DGKI: variants seen among roughly 807,000 people sequenced by gnomAD.
DGKI encodes diacylglycerol kinase iota.
Under a neutral mutation model 147.5 loss-of-function variants are expected in DGKI, and 55 were observed. The ratio of observed to expected loss-of-function variants is 0.37; its 90% CI spans 0.30 to 0.47. The LOEUF is 0.47. Ranked by LOEUF, DGKI falls within the 20% of genes least tolerant of loss-of-function variation. DGKI has a pLI of 1.00. For synonymous variants in DGKI, 469 were observed against 477.1 expected (o/e 0.98, Z 0.22); for missense variants, 1,007 against 1,323.8 (o/e 0.76, Z 3.71).
intron 20 of DGKI, among the ~76,000 whole-genome samples, chr7:137,529,297 A>G (rs1817256530): frequency 6.6e-6 from 1 of 152,182 alleles, no homozygotes; most frequent in African/African-American, 2.4e-5. Context: ...GCATGTAACA[A>G]AATTACACTT....
At chr7:137,824,630 C>A (rs931266159) in intron 1 of DGKI, among the ~76,000 whole-genome samples, 13 of 151,900 alleles carry the variant, frequency 8.6e-5, no homozygotes, top group Admixed American at 3.3e-4. Context: ...GTTACACAAG[C>A]GGTTGGTTGT....
In DGKI at chr7:137,722,546, G is replaced by A. The variant is rs983280157; in HGVS notation, c.402-32544C>T. 355 of 1,603,548 alleles carry A rather than the reference G, an allele frequency of 2.2e-4. 2 individuals carry two copies. Among genetic ancestry groups the A allele is most frequent in the South Asian group, 1.3e-3 (119 of 90,836 alleles). The stretch of plus-strand genomic sequence containing the variant: ...CTGGTCCTCAATCGAGTTCCTCTAC[G>A]AAGAACACACCAGAAATTTGTCATT... On this transcript the variant is annotated intron_variant, in intron 1 of 32. Coordinates refer to ENST00000614521, the MANE Select transcript of DGKI (RefSeq NM_001321708.2).
chr7:137,521,933 C>T lies in DGKI; in HGVS notation c.2181G>A (p.Arg727=), dbSNP rs377623660. The T allele has an allele frequency of 1.2e-6, 2 of 1,611,814 alleles. No homozygotes were observed. The highest frequency in any genetic ancestry group is 2.7e-5 in the African/African-American group (2 of 74,862). Residue 727 remains arginine (R), a synonymous_variant, in exon 21 of 33, where the codon CGG becomes CGA. Transcript: ENST00000614521. ...PQSVPDRLRI[R]VNKISLQDYE... ...AGTCTTGTAAACTGATTTTGTTCAC[C>T]CGGATCCTCAGACGATCTGGGACAG...
intron 21 of DGKI, among the ~76,000 whole-genome samples, chr7:137,507,505 T>G (rs1816408990): frequency 6.6e-6 from 1 of 152,184 alleles, no homozygotes; most frequent in Admixed American, 6.5e-5. Flanking sequence ...AAAATCCTCT[T>G]AAATGCTTAT....
chr7:137,469,711 G>A, intron 23 of DGKI, 92 bp from the exon 24 acceptor site: 1 of 1,154,902 alleles, frequency 8.7e-7, no homozygotes, highest in Non-Finnish European at 1.3e-6. Context: ...CCTACACAAA[G>A]CACTGGTGAG....
At chr7:137,781,686 G>GGA (rs1432829125) in intron 1 of DGKI, among the ~76,000 whole-genome samples, 1 of 152,200 alleles carries the variant, frequency 6.6e-6, no homozygotes, top group Non-Finnish European at 1.5e-5. Context: ...ACATAATGCT[G>GGA]GACGTTTCAG....
At chr7:137,664,192 C>T (rs1046698592) in intron 3 of DGKI, among the ~76,000 whole-genome samples, 21 of 151,890 alleles carry the variant, frequency 1.4e-4, no homozygotes, top group African/African-American at 3.4e-4. Context: ...GCCTGGCCAA[C>T]GTGTCAAAAG....
intron 20 of DGKI, among the ~76,000 whole-genome samples, chr7:137,539,879 A>C (rs1389700560): frequency 2.0e-5 from 3 of 152,198 alleles, no homozygotes; most frequent in Non-Finnish European, 4.4e-5. Context: ...AAAAAGATAC[A>C]GGTTACTAAT....
At chr7:137,564,899 C>T (rs1435064219) in intron 19 of DGKI, among the ~76,000 whole-genome samples, 8 of 152,238 alleles carry the variant, frequency 5.3e-5, no homozygotes, top group Admixed American at 4.6e-4. Flanking sequence ...GGGGCTCCTA[C>T]CGCCCCCACC....
chr7:137,499,205 C>T (rs535794911), intron 21 of DGKI, among the ~76,000 whole-genome samples: 28 of 152,056 alleles, frequency 1.8e-4, no homozygotes, highest in Non-Finnish European at 2.5e-4. Flanking sequence ...GCAAATACAA[C>T]GAGTAAAGTA....
intron 1 of DGKI, among the ~76,000 whole-genome samples, chr7:137,807,343 C>G (rs192360525): frequency 6.6e-6 from 1 of 152,182 alleles, no homozygotes; most frequent in Non-Finnish European, 1.5e-5. Context: ...AGTAACAGTT[C>G]CAAATGGATT....
intron 28 of DGKI, among the ~76,000 whole-genome samples, chr7:137,420,948 G>A (rs1233511337): frequency 6.6e-6 from 1 of 152,150 alleles, no homozygotes; most frequent in East Asian, 1.9e-4. Context: ...GAACCCAGGA[G>A]GCGGAGGTTG....
chr7:137,619,777 C>A, intron 8 of DGKI, 47 bp downstream of exon 8: 1 of 1,448,404 alleles, frequency 6.9e-7, no homozygotes, highest in South Asian at 1.1e-5. Context: ...AGCAGCAGTT[C>A]ATTTTTCTCT....
Position 137,578,251 on chromosome 7 carries a change from A to T in DGKI, c.1698+19T>A, listed in dbSNP as rs761974922. The T allele has an allele frequency of 1.9e-6, 3 of 1,573,476 alleles. No homozygotes were observed. The African/African-American group carries it at 4.0e-5, about 21-fold the overall frequency. On this transcript the variant is annotated intron_variant, in intron 16 of 32. Transcript: ENST00000614521. ...CAATAAGTAATATGTAGTAATTATG[A>T]AATAAAATGTATACCTACCCCTGCA...
intron 6 of DGKI, among the ~76,000 whole-genome samples, chr7:137,626,414 A>T (rs978554517): frequency 1.3e-5 from 2 of 151,804 alleles, no homozygotes; most frequent in Non-Finnish European, 1.5e-5. Context: ...CTACAGGGCC[A>T]GCAACAACCC....
At chr7:137,674,778 C>T (rs1250152598) in intron 3 of DGKI, among the ~76,000 whole-genome samples, 1 of 152,132 alleles carries the variant, frequency 6.6e-6, no homozygotes, top group African/African-American at 2.4e-5. Flanking sequence ...TAAATCTTAC[C>T]CATCTTTCAA....
chr7:137,425,657 T>A (rs1000115852), intron 28 of DGKI, among the ~76,000 whole-genome samples: 7 of 151,832 alleles, frequency 4.6e-5, no homozygotes, highest in African/African-American at 7.3e-5. Context: ...TTGAAAAAAA[T>A]TTAGAAGAAT....
At position 137,846,779 on chromosome 7, in the gene DGKI, G is replaced by C. The variant is rs1585566114; in HGVS notation, c.84C>G (p.Ala28=). ...AGGGGCCGGGCGGGCTGGCGGCGGC[G>C]GCGGCGGCGGCTGCAGGAGCGCGGG... The part of the protein sequence containing the change: ...GPARAPAAAA[A]AAASPPGPCS... Residue 28 remains alanine (A), a synonymous_variant, in exon 1 of 33, where the codon GCC becomes GCG. Transcript: ENST00000614521. The surrounding 1 kb of genome is among the most constrained non-coding windows in gnomAD (Gnocchi z 4.0). The C allele has an allele frequency of 9.3e-7, 1 of 1,078,898 alleles. No homozygotes were observed. Among genetic ancestry groups the C allele is most frequent in the Non-Finnish European group, 1.1e-6 (1 of 891,618 alleles). 66.8% of individuals were successfully genotyped at this position (1,078,898 alleles called of 1,614,324 possible).
chr7:137,667,693 AAGTT>A lies in DGKI; in HGVS notation c.606+10860_606+10863del, dbSNP rs530521040. ...TTAAGAAGCGATATCAAGCTGTGGTAAGTTAGTTATCCTTTCACTGCCATTTTTC... is the reference window on the plus strand; with the variant it reads ...TTAAGAAGCGATATCAAGCTGTGGTAAGTTATCCTTTCACTGCCATTTTTC... On this transcript the variant is annotated intron_variant, in intron 3 of 32. Coordinates refer to ENST00000614521, the MANE Select transcript of DGKI (RefSeq NM_001321708.2). 7.2e-5 allele frequency among the ~76,000 whole-genome samples: 11 copies of A among 152,308 alleles called. No homozygotes were observed. In the South Asian group the frequency reaches 1.2e-3, roughly 17 times the overall value.
Sources: gnomAD v4.1 joint callset for allele counts (sites outside exome capture counted in the v4.1 genomes callset) on GRCh38, gnomAD v4.1.1 for gene constraint, Gnocchi (gnomAD v3.1) non-coding constraint, MANE v1.5 for transcripts, NCBI Gene and HGNC (gene_info 2026-07-23, HGNC 2026-07-21) for gene names.